PCDH15: variants seen among roughly 807,000 people sequenced by gnomAD.
PCDH15 encodes the protein protocadherin-15.
Under a neutral mutation model 178.5 loss-of-function variants are expected in PCDH15, and 129 were observed. That is an observed-to-expected ratio of 0.72 (90% CI 0.63 to 0.84). The LOEUF is 0.84. PCDH15 is among the 40% of genes least tolerant of loss of function. The probability of loss-of-function intolerance (pLI) is 0.00; values close to 1 mark genes in which losing one functional copy is unlikely to be tolerated. For missense variants in PCDH15, 2,230 were observed against 2,099.9 expected, an observed-to-expected ratio of 1.06 and a Z score of -1.21; for synonymous variants, 800 against 732.0, an observed-to-expected ratio of 1.09 and a Z score of -1.50.
chr10:54,731,289 AAGG>A (rs1288498765), intron 1 of PCDH15, among the ~76,000 whole-genome samples: 1 of 151,072 alleles, frequency 6.6e-6, no homozygotes, highest in Non-Finnish European at 1.5e-5. Flanking sequence ...GACGTGAAGA[AAGG>A]AGAACTTTGT....
At chr10:54,741,849 A>G (rs1002557276) in intron 1 of PCDH15, among the ~76,000 whole-genome samples, 2 of 152,026 alleles carry the variant, frequency 1.3e-5, no homozygotes, top group African/African-American at 2.4e-5. Flanking sequence ...ACCCACCTCA[A>G]CAATCCAGGG....
chr10:54,551,154 C>CAAAA (rs57337778), intron 2 of PCDH15, among the ~76,000 whole-genome samples: 9,167 of 52,084 alleles, frequency 0.18, 1,242 homozygotes, highest in Non-Finnish European at 0.21. Context: ...GACTCTGTCT[C>CAAAA]AAAAAAAAAA....
At position 54,236,839 on chromosome 10, in the gene PCDH15, G is replaced by T. The variant is rs994026891; in HGVS notation, c.969C>A (p.Leu323=). 19 of 1,612,320 alleles carry T rather than the reference G, an allele frequency of 1.2e-5. No individual in the cohort carries two copies. The highest frequency in any genetic ancestry group is 1.5e-5 in the Non-Finnish European group (18 of 1,178,554). Residue 323 remains leucine (L), a synonymous_variant, in exon 9 of 38, where the codon CTC becomes CTA. Transcript: ENST00000644397. ...GATACAAACCAACAAGGATGGAATA[G>T]AGGATTCCTGGCCTATCTGATGGCG... ...IQPPSDRPGI[L]YSILVGTPED... is the part of the protein sequence containing the mutation.
intron 2 of PCDH15, among the ~76,000 whole-genome samples, chr10:54,620,419 C>A (rs2093319167): frequency 6.6e-6 from 1 of 151,788 alleles, no homozygotes; most frequent in African/African-American, 2.4e-5. Flanking sequence ...ATAAATGAAA[C>A]TGAGCCTAAA....
chr10:55,620,835 T>C (rs1843576959), intron 2 of PCDH15, among the ~76,000 whole-genome samples: 1 of 151,472 alleles, frequency 6.6e-6, no homozygotes, highest in Non-Finnish European at 1.5e-5. Flanking sequence ...AATAATACTA[T>C]ATAAAATACA....
intron 17 of PCDH15, among the ~76,000 whole-genome samples, chr10:54,067,302 A>G (rs905786760): frequency 1.3e-5 from 2 of 152,192 alleles, no homozygotes; most frequent in African/African-American, 4.8e-5. Flanking sequence ...CCAGTACATT[A>G]TAAAATAGCA....
In PCDH15 at chr10:55,482,086, T is replaced by C. The variant is rs556541879; in HGVS notation, c.-156+145539A>G. 2.0e-5 allele frequency among the ~76,000 whole-genome samples: 3 copies of C among 151,918 alleles called. No homozygotes were observed. The South Asian group carries it at 6.2e-4, about 31-fold the overall frequency. Reference sequence around the variant, plus strand: ...CTAAACCTTTACCATTATGTAGGCCTTTTTGGCTTTTTTGATCTTTGATGG... The same window carrying C: ...CTAAACCTTTACCATTATGTAGGCCCTTTTGGCTTTTTTGATCTTTGATGG... On this transcript the variant is annotated intron_variant, in intron 2 of 5. Transcript: ENST00000613346.
chr10:55,209,628 TG>T (rs1564894433), intron 1 of PCDH15, among the ~76,000 whole-genome samples: 1 of 152,096 alleles, frequency 6.6e-6, no homozygotes, highest in African/African-American at 2.4e-5. Context: ...CTGGGTATTT[TG>T]TTTGTGCAGT....
intron 1 of PCDH15, among the ~76,000 whole-genome samples, chr10:55,192,711 A>G (rs1324309235): frequency 1.3e-5 from 2 of 150,848 alleles, no homozygotes; most frequent in Admixed American, 1.3e-4. Context: ...TGAGTTTCAT[A>G]GATGAAAGAA....
chr10:54,332,242 A>G (rs1236737523), intron 6 of PCDH15, among the ~76,000 whole-genome samples: 1 of 109,560 alleles, frequency 9.1e-6, no homozygotes, highest in South Asian at 2.6e-4. Context: ...TATATATAAT[A>G]TATATATAAT....
intron 6 of PCDH15, among the ~76,000 whole-genome samples, chr10:54,332,870 T>C (rs116917510): frequency 0.035 from 5,386 of 152,252 alleles, 147 homozygotes; most frequent in Non-Finnish European, 0.052. Flanking sequence ...TGAATTCTTA[T>C]CATCTTAAAT....
intron 11 of PCDH15, among the ~76,000 whole-genome samples, chr10:54,191,539 A>G: frequency 6.6e-6 from 1 of 152,188 alleles, no homozygotes; most frequent in East Asian, 1.9e-4. Context: ...CTCAGGCCAC[A>G]AAAATGTTCA....
chr10:55,147,099 A>T (rs1319149194), intron 2 of PCDH15, among the ~76,000 whole-genome samples: 14 of 151,616 alleles, frequency 9.2e-5, no homozygotes, highest in Admixed American at 9.2e-4. Context: ...TACAATTTTA[A>T]ATTTAGATGA....
chr10:54,730,717 T>A (rs916851808), intron 1 of PCDH15, among the ~76,000 whole-genome samples: 7 of 151,182 alleles, frequency 4.6e-5, no homozygotes, highest in African/African-American at 1.7e-4. Flanking sequence ...TGTAAAAGAA[T>A]GAAAATGGAC....
chr10:55,325,833 A>T (rs1476763534), intron 2 of PCDH15, among the ~76,000 whole-genome samples: 1 of 152,178 alleles, frequency 6.6e-6, no homozygotes, highest in Non-Finnish European at 1.5e-5. Flanking sequence ...TATATTTGCA[A>T]ACTATGTTGT....
In PCDH15 at chr10:54,952,509, T is replaced by C. The variant is rs149897522; in HGVS notation, c.-79-55009A>G. Among the ~76,000 whole-genome samples the C allele has an allele frequency of 5.2e-3, 789 of 151,884 alleles. 6 individuals are homozygous for C. Among genetic ancestry groups the C allele is most frequent in the African/African-American group, 0.018 (754 of 41,502 alleles). On this transcript the variant is annotated intron_variant, in intron 2 of 5. Coordinates refer to the PCDH15 transcript ENST00000458638. Reference sequence around the variant, plus strand: ...TGGATCACTTGCCTCTCCATATAAATTTTCAAATCCGCTTGTCAGTATTCA... The same window carrying C: ...TGGATCACTTGCCTCTCCATATAAACTTTCAAATCCGCTTGTCAGTATTCA...
At chr10:54,536,621 T>G (rs149081283) in intron 2 of PCDH15, among the ~76,000 whole-genome samples, 1 of 152,236 alleles carries the variant, frequency 6.6e-6, no homozygotes, top group African/African-American at 2.4e-5. Flanking sequence ...TCAATAGTTG[T>G]TTTTTAAATA....
chr10:53,988,830 C>T (rs1166600903), intron 21 of PCDH15, among the ~76,000 whole-genome samples: 3 of 152,142 alleles, frequency 2.0e-5, no homozygotes, highest in Non-Finnish European at 2.9e-5. Context: ...TTATTCCCCA[C>T]TCCCGAAATA....
intron 1 of PCDH15, among the ~76,000 whole-genome samples, chr10:54,741,961 A>G (rs1027654529): frequency 6.6e-6 from 1 of 152,084 alleles, no homozygotes; most frequent in Non-Finnish European, 1.5e-5. Flanking sequence ...ATTGTGAGGT[A>G]TAAGACATTA....
Sources: gnomAD v4.1 joint callset for allele counts (sites outside exome capture counted in the v4.1 genomes callset) on GRCh38, gnomAD v4.1.1 for gene constraint, MANE v1.5 for transcripts, NCBI Gene and HGNC (gene_info 2026-07-23, HGNC 2026-07-21) for gene names.